The following CPQ variants were observed in gnomAD, a reference collection of about 807,000 sequenced individuals.
The protein encoded by CPQ is carboxypeptidase Q.
Under a neutral mutation model 45.7 loss-of-function variants are expected in CPQ, and 37 were observed. The observed-to-expected ratio is 0.81, with a 90% confidence interval of 0.62 to 1.07. The LOEUF is 1.07. CPQ is among the 50% of genes least tolerant of loss of function. The pLI is 0.00. For synonymous variants in CPQ, 186 were observed against 205.8 expected (o/e 0.90, Z 0.82); for missense variants, 537 against 572.9 (o/e 0.94, Z 0.64).
intron 1 of CPQ, among the ~76,000 whole-genome samples, chr8:96,733,248 A>AT (rs1016306525): frequency 1.1e-4 from 17 of 152,202 alleles, no homozygotes; most frequent in Non-Finnish European, 2.2e-4. Context: ...ACTTTCCTTT[A>AT]TACCTCCACA....
At chr8:96,903,802 A>G (rs1812542608) in intron 4 of CPQ, among the ~76,000 whole-genome samples, 1 of 152,192 alleles carries the variant, frequency 6.6e-6, no homozygotes, top group South Asian at 2.1e-4. Flanking sequence ...TATCAAAGGA[A>G]GTTATCTAGA....
intron 1 of CPQ, among the ~76,000 whole-genome samples, chr8:96,715,699 T>G (rs1020824080): frequency 2.6e-5 from 4 of 152,138 alleles, no homozygotes; most frequent in Non-Finnish European, 5.9e-5. Flanking sequence ...GAAAGAAACT[T>G]CCCACAAGCA....
intron 6 of CPQ, among the ~76,000 whole-genome samples, chr8:97,029,718 G>C (rs1436519337): frequency 6.6e-6 from 1 of 152,062 alleles, no homozygotes; most frequent in Non-Finnish European, 1.5e-5. Context: ...CACAGTCTGA[G>C]GCCAAAGAAA....
chr8:96,680,664 A>G (rs1199895649), intron 1 of CPQ: 2 of 152,572 alleles, frequency 1.3e-5, no homozygotes, highest in Non-Finnish European at 2.9e-5. Flanking sequence ...GTGCTGCTGA[A>G]AAGATACCCC....
Position 96,764,280 on chromosome 8 carries a change from A to G in CPQ, c.-34-20584A>G, listed in dbSNP as rs542432768. Among the ~76,000 whole-genome samples the G allele has an allele frequency of 4.3e-4, 65 of 152,338 alleles. 2 individuals are homozygous for G. In the South Asian group the frequency reaches 0.012, roughly 28 times the overall value. ...TGATAGAAGCCAGGTATAAGACGCA[A>G]ACATGCTAAATGATTCCATTTGTAT... is the stretch of plus-strand genomic sequence containing the variant. On this transcript the variant is annotated intron_variant, in intron 1 of 7. Coordinates refer to ENST00000220763, the MANE Select transcript of CPQ (RefSeq NM_016134.4).
intron 5 of CPQ, among the ~76,000 whole-genome samples, chr8:97,005,442 C>G (rs1362940059): frequency 6.6e-6 from 1 of 151,872 alleles, no homozygotes; most frequent in African/African-American, 2.4e-5. Flanking sequence ...TGGCTCACGC[C>G]TGTAATCCCA....
chr8:96,843,257 T>G (rs1361444491), intron 3 of CPQ, among the ~76,000 whole-genome samples: 1 of 152,138 alleles, frequency 6.6e-6, no homozygotes, highest in Non-Finnish European at 1.5e-5. Context: ...CTATAGTAAG[T>G]TTTAAGTACA....
chr8:96,737,333 C>T (rs1809998148), intron 1 of CPQ, among the ~76,000 whole-genome samples: 2 of 96,772 alleles, frequency 2.1e-5, no homozygotes, highest in Non-Finnish European at 4.5e-5. Flanking sequence ...TATATACACA[C>T]ACTCACACAG....
chr8:96,745,244 G>A (rs1489255224), intron 1 of CPQ, among the ~76,000 whole-genome samples: 1 of 152,050 alleles, frequency 6.6e-6, no homozygotes, highest in Non-Finnish European at 1.5e-5. Context: ...GGAGGTGGAG[G>A]TTGCCGTGAG....
intron 1 of CPQ, among the ~76,000 whole-genome samples, chr8:96,721,097 A>G (rs1809757376): frequency 6.6e-6 from 1 of 152,050 alleles, no homozygotes; most frequent in African/African-American, 2.4e-5. Context: ...GCCCACGTAC[A>G]GCCCATCTCT....
At chr8:97,080,396 A>G (rs1410460045) in intron 7 of CPQ, among the ~76,000 whole-genome samples, 4 of 152,226 alleles carry the variant, frequency 2.6e-5, no homozygotes, top group African/African-American at 9.6e-5. Flanking sequence ...CTTTGCTAAA[A>G]AATATGCTTA....
At chr8:96,979,679 A>G (rs950070783) in intron 5 of CPQ, among the ~76,000 whole-genome samples, 1 of 152,186 alleles carries the variant, frequency 6.6e-6, no homozygotes, top group Non-Finnish European at 1.5e-5. Flanking sequence ...GGTTTTTTTA[A>G]TTGCCGTGGA....
intron 3 of CPQ, among the ~76,000 whole-genome samples, chr8:96,858,579 T>TTCCTGCCCACCAGTCTCTC (rs1811885083): frequency 6.6e-6 from 1 of 152,186 alleles, no homozygotes; most frequent in South Asian, 2.1e-4. Context: ...TCCCATTTGC[T>TTCCTGCCCACCAGTCTCTC]TCCTGCCCAC....
chr8:96,951,863 T>G (rs1813271196), intron 4 of CPQ, among the ~76,000 whole-genome samples: 2 of 152,016 alleles, frequency 1.3e-5, no homozygotes, highest in Non-Finnish European at 2.9e-5. Flanking sequence ...GTTTTTTTTT[T>G]GAATGTTTGA....
chr8:97,020,152 T>C (rs1809652927), intron 5 of CPQ, among the ~76,000 whole-genome samples: 1 of 152,098 alleles, frequency 6.6e-6, no homozygotes, highest in East Asian at 1.9e-4. Context: ...GAAATCAAGA[T>C]GAAAATTAAA....
chr8:96,703,468 C>T (rs1414475369), intron 1 of CPQ, among the ~76,000 whole-genome samples: 1 of 152,092 alleles, frequency 6.6e-6, no homozygotes, highest in African/African-American at 2.4e-5. Flanking sequence ...TCAAAATTTA[C>T]AAGATAATCT....
At chr8:97,140,993 A>G (rs1205280711) in intron 7 of CPQ, among the ~76,000 whole-genome samples, 1 of 152,084 alleles carries the variant, frequency 6.6e-6, no homozygotes, top group Admixed American at 6.5e-5. Flanking sequence ...GCAATGGAAA[A>G]CTGAAAATAG....
At chr8:96,720,262 A>G (rs1809745019) in intron 1 of CPQ, among the ~76,000 whole-genome samples, 1 of 151,884 alleles carries the variant, frequency 6.6e-6, no homozygotes, top group African/African-American at 2.4e-5. Context: ...ATTGGTTTCT[A>G]TTGATTACTT....
At chr8:97,081,152 T>C (rs937158094) in intron 7 of CPQ, among the ~76,000 whole-genome samples, 5 of 152,164 alleles carry the variant, frequency 3.3e-5, no homozygotes, top group African/African-American at 1.2e-4. Flanking sequence ...ATATCATGTT[T>C]GAAAAACTTT....
Sources: gnomAD v4.1 joint callset for allele counts (sites outside exome capture counted in the v4.1 genomes callset) on GRCh38, gnomAD v4.1.1 for gene constraint, MANE v1.5 for transcripts, NCBI Gene and HGNC (gene_info 2026-07-23, HGNC 2026-07-21) for gene names.